Variants in FRAS1 observed in about 807,000 individuals in gnomAD.
FRAS1 encodes Fraser extracellular matrix complex subunit 1.
A neutral mutation model predicts 435.2 loss-of-function variants in FRAS1; 290 were observed. The observed-to-expected ratio is 0.67, with a 90% confidence interval of 0.61 to 0.73. The LOEUF is 0.73. FRAS1 is among the 30% of genes least tolerant of loss of function. The pLI is 0.00. For missense variants in FRAS1, 4,860 were observed against 5,001.5 expected, an observed-to-expected ratio of 0.97 and a Z score of 0.85; for synonymous variants, 1,800 against 1,851.0, an observed-to-expected ratio of 0.97 and a Z score of 0.71.
Position 78,438,932 on chromosome 4 carries a change from T to C in FRAS1, c.5397T>C (p.His1799=). The C allele has an allele frequency of 6.2e-7, 1 of 1,611,102 alleles. No individual in the cohort carries two copies. The highest frequency in any genetic ancestry group is 8.5e-7 in the Non-Finnish European group (1 of 1,179,328). The change falls in exon 40 of 74, where the codon CAT becomes CAC. Residue 1799 remains histidine (H), a synonymous_variant. Transcript: ENST00000512123. The part of the protein sequence containing the change: ...RYSAVFETDG[H]LVTDSFYFSV... ...CAGCTGTGTTTGAAACTGATGGTCA[T>C]CTGGTTACTGATAGCTTCTATTTCT...
chr4:78,121,436 G>T (rs961398748), intron 2 of FRAS1, among the ~76,000 whole-genome samples: 1 of 152,170 alleles, frequency 6.6e-6, no homozygotes, highest in East Asian at 1.9e-4. Context: ...TAGGGTGAGG[G>T]GTGTTGGCAC....
At chr4:78,084,951 T>G (rs1173702593) in intron 2 of FRAS1, among the ~76,000 whole-genome samples, 1 of 152,148 alleles carries the variant, frequency 6.6e-6, no homozygotes, top group African/African-American at 2.4e-5. Context: ...CCTTTTCTCT[T>G]ATTCTGAAAC....
intron 2 of FRAS1, among the ~76,000 whole-genome samples, chr4:78,232,764 A>G (rs1299405020): frequency 6.6e-6 from 1 of 152,226 alleles, no homozygotes; most frequent in Non-Finnish European, 1.5e-5. Flanking sequence ...TCTTATGAAT[A>G]GATATTTTTG....
At chr4:78,069,483 C>A (rs1325007869) in intron 2 of FRAS1, among the ~76,000 whole-genome samples, 1 of 152,164 alleles carries the variant, frequency 6.6e-6, no homozygotes, top group Non-Finnish European at 1.5e-5. Context: ...ACAGTCATGG[C>A]CCTGGCGGTC....
intron 2 of FRAS1, among the ~76,000 whole-genome samples, chr4:78,100,097 A>C (rs1461559713): frequency 6.6e-6 from 1 of 152,244 alleles, no homozygotes; most frequent in Non-Finnish European, 1.5e-5. Flanking sequence ...GTAGTAAGAT[A>C]AAATAAAGTA....
intron 20 of FRAS1, among the ~76,000 whole-genome samples, chr4:78,346,107 T>C (rs1730596472): frequency 6.6e-6 from 1 of 152,206 alleles, no homozygotes; most frequent in Admixed American, 6.5e-5. Flanking sequence ...GGTTATCCTC[T>C]TCAGTACTGA....
intron 2 of FRAS1, among the ~76,000 whole-genome samples, chr4:78,210,595 A>G (rs966660802): frequency 1.3e-5 from 2 of 152,144 alleles, no homozygotes; most frequent in African/African-American, 4.8e-5. Context: ...CAGGCTTTTC[A>G]TATCTCAGGG....
chr4:78,278,090 C>T (rs780725588), intron 9 of FRAS1, among the ~76,000 whole-genome samples: 11 of 152,188 alleles, frequency 7.2e-5, no homozygotes, highest in East Asian at 1.9e-4. Context: ...TGATCCACCA[C>T]GACTGGCCAT....
At chr4:78,430,266 A>G (rs1734160717) in intron 36 of FRAS1, 26 bp from the exon 37 acceptor site, 2 of 1,613,408 alleles carry the variant, frequency 1.2e-6, no homozygotes, top group Non-Finnish European at 1.7e-6. Context: ...TTTCTCTCTC[A>G]CCACGCTTCC....
In FRAS1 at chr4:78,429,110, A is replaced by C; in HGVS notation, c.4727A>C (p.His1576Pro). The part of the protein sequence containing the change: ...KFHFTVSDGE[H>P]TSPEMVLTIH... ...TCCTTTTTAGTTTCAGATGGAGAAC[A>C]CACAAGTCCGGAGATGGTCCTCACC... Residue 1576 changes from histidine to proline, a missense_variant, in exon 36 of 74, where the codon CAC becomes CCC. Coordinates refer to ENST00000512123, the MANE Select transcript of FRAS1 (RefSeq NM_025074.7). 6.4e-7 allele frequency: 1 copy of C among 1,556,680 alleles called. No individual in the cohort carries two copies. The highest frequency in any genetic ancestry group is 8.7e-7 in the Non-Finnish European group (1 of 1,149,744).
intron 6 of FRAS1, among the ~76,000 whole-genome samples, chr4:78,258,623 C>CTTT (rs71216203): frequency 7.6e-6 from 1 of 131,846 alleles, no homozygotes. Flanking sequence ...TGTTTCTTTT[C>CTTT]TTTTTTTTTT....
chr4:78,444,756 G>C (rs1401952436), intron 41 of FRAS1, among the ~76,000 whole-genome samples: 1 of 152,206 alleles, frequency 6.6e-6, no homozygotes, highest in Non-Finnish European at 1.5e-5. Context: ...TGGGATGAGA[G>C]GAGTAATCTG....
At chr4:78,485,459 C>G (rs1229763046) in intron 58 of FRAS1, among the ~76,000 whole-genome samples, 1 of 152,148 alleles carries the variant, frequency 6.6e-6, no homozygotes. Flanking sequence ...AAAGCTACAG[C>G]TTTTCTTTTT....
At chr4:78,314,623 G>C (rs1363582735) in intron 15 of FRAS1, among the ~76,000 whole-genome samples, 1 of 152,170 alleles carries the variant, frequency 6.6e-6, no homozygotes, top group Non-Finnish European at 1.5e-5. Flanking sequence ...TGAAAATCTA[G>C]ACAACAGAGT....
chr4:78,276,781 C>T (rs1727063842), intron 9 of FRAS1, among the ~76,000 whole-genome samples: 1 of 152,224 alleles, frequency 6.6e-6, no homozygotes, highest in African/African-American at 2.4e-5. Context: ...CTTGAGGAGG[C>T]AGTCTGTCCA....
At position 78,540,967 on chromosome 4, in the gene FRAS1, G is replaced by T; in HGVS notation, c.11882G>T (p.Arg3961Leu). ...GAAGTGCCCAAGAGGCACCCGGACC[G>T]GGTGGAGAAGAACGTGAATAGACAC... is the stretch of plus-strand genomic sequence containing the variant. ...KVEVPKRHPD[R>L]VEKNVNRHYC... Residue 3961 changes from arginine to leucine, a missense_variant, in exon 74 of 74, where the codon CGG (arginine) becomes CTG (leucine). Coordinates refer to ENST00000512123, the MANE Select transcript of FRAS1 (RefSeq NM_025074.7). The T allele has an allele frequency of 6.2e-7, 1 of 1,613,630 alleles. No individual in the cohort carries two copies. Among genetic ancestry groups the T allele is most frequent in the Non-Finnish European group, 8.5e-7 (1 of 1,179,750 alleles).
rs1465101456 is a variant in FRAS1 at position 78,379,800 on chromosome 4, T to G, written c.3367T>G (p.Phe1123Val). ...AATTGGTTCAATAAAGCCACTGGAT[T>G]TTTCCCTCCTGAATGTCCAAGACCA... Reference protein sequence around the residue: ...LPIGSIKPLDFSLLNVQDQEG... With the variant: ...LPIGSIKPLDVSLLNVQDQEG... Residue 1123 changes from phenylalanine to valine, a missense_variant, in exon 27 of 74, where the codon TTT (phenylalanine) becomes GTT (valine). By Grantham distance (50) the Phe-to-Val change is conservative. Coordinates refer to ENST00000512123, the MANE Select transcript of FRAS1 (RefSeq NM_025074.7). 6.2e-7 allele frequency: 1 copy of G among 1,613,730 alleles called. No individual in the cohort carries two copies. The highest frequency in any genetic ancestry group is 8.5e-7 in the Non-Finnish European group (1 of 1,179,794).
chr4:78,124,339 G>A (rs1719213908), intron 2 of FRAS1, among the ~76,000 whole-genome samples: 1 of 152,190 alleles, frequency 6.6e-6, no homozygotes, highest in South Asian at 2.1e-4. Context: ...GATCGTGGTG[G>A]ATAAGCTTTT....
chr4:78,119,154 C>T (rs559413626), intron 2 of FRAS1, among the ~76,000 whole-genome samples: 16 of 152,062 alleles, frequency 1.1e-4, no homozygotes, highest in African/African-American at 3.9e-4. Flanking sequence ...TTAGAATATC[C>T]ATCATCTTAA....
Sources: gnomAD v4.1 joint callset for allele counts (sites outside exome capture counted in the v4.1 genomes callset) on GRCh38, gnomAD v4.1.1 for gene constraint, MANE v1.5 for transcripts, NCBI Gene and HGNC (gene_info 2026-07-23, HGNC 2026-07-21) for gene names.